TAMM41: variants seen among roughly 807,000 people sequenced by gnomAD.
TAMM41 encodes TAM41 mitochondrial translocator assembly and maintenance homolog, also known as phosphatidate cytidylyltransferase, mitochondrial.
In TAMM41, 36 loss-of-function variants were observed where a neutral mutation model predicts 44.1. That is an observed-to-expected ratio of 0.82 (90% CI 0.63 to 1.08). The LOEUF (loss-of-function observed/expected upper bound fraction) is 1.08. TAMM41 is among the 50% of genes least tolerant of loss of function. The probability of loss-of-function intolerance (pLI) is 0.00; values close to 1 mark genes in which losing one functional copy is unlikely to be tolerated. For missense variants in TAMM41, 417 were observed against 404.3 expected, an observed-to-expected ratio of 1.03 and a Z score of -0.27; for synonymous variants, 164 against 153.1, an observed-to-expected ratio of 1.07 and a Z score of -0.53.
chr3:11,802,415 T>C (rs998792883), intron 7 of TAMM41, among the ~76,000 whole-genome samples: 1 of 152,068 alleles, frequency 6.6e-6, no homozygotes, highest in Non-Finnish European at 1.5e-5. Context: ...CAGAGACTAT[T>C]ATAAACAACT....
At chr3:11,729,748 C>CT in the TAMM41 span, among the ~76,000 whole-genome samples, 1 of 151,064 alleles carries the variant, frequency 6.6e-6, no homozygotes, top group Non-Finnish European at 1.5e-5. Context: ...TTAGTAGAGA[C>CT]AGAGTTTCAC....
At chr3:11,812,484 G>C (rs969826148) in intron 5 of TAMM41, among the ~76,000 whole-genome samples, 3 of 152,136 alleles carry the variant, frequency 2.0e-5, no homozygotes, top group African/African-American at 7.2e-5. Flanking sequence ...AGAAAGAGAA[G>C]TGACCTTGCT....
the TAMM41 span, among the ~76,000 whole-genome samples, chr3:11,760,542 T>TTTTGTTTTG: frequency 1.5e-4 from 22 of 150,878 alleles, no homozygotes; most frequent in Admixed American, 5.3e-4. Flanking sequence ...TAAGTACAAT[T>TTTTGTTTTG]TTTTGTTTTG....
the TAMM41 span, among the ~76,000 whole-genome samples, chr3:11,759,371 G>A: frequency 1.3e-4 from 20 of 151,878 alleles, no homozygotes; most frequent in South Asian, 4.2e-3. Context: ...ACGAGGCCCT[G>A]TAAACGAGAT....
Position 11,846,879 on chromosome 3 carries a change from C to G in TAMM41, c.-243G>C. ...GTGGGCGGCGGTCGCACAGGCAGAGCTTCCGTCCCTTGCTACGCCCCACGC... is the reference window on the plus strand; with the variant it reads ...GTGGGCGGCGGTCGCACAGGCAGAGGTTCCGTCCCTTGCTACGCCCCACGC... On this transcript the variant is annotated 5_prime_UTR_variant, in exon 1 of 8. Coordinates refer to ENST00000455809, the MANE Select transcript of TAMM41 (RefSeq NM_001284401.2). 1 of 521,168 alleles carries G rather than the reference C, an allele frequency of 1.9e-6. No homozygotes were observed. Among genetic ancestry groups the G allele is most frequent in the South Asian group, 2.1e-5 (1 of 48,196 alleles). 32.3% of individuals were successfully genotyped at this position (521,168 alleles called of 1,614,324 possible).
intron 4 of TAMM41, among the ~76,000 whole-genome samples, 170 bp from the exon 5 acceptor site, chr3:11,817,507 C>T (rs1208875801): frequency 1.3e-5 from 2 of 152,204 alleles, no homozygotes; most frequent in Non-Finnish European, 2.9e-5. Context: ...GAAATGTGAG[C>T]ACTTGTTTGG....
At chr3:11,802,684 CT>C (rs2077788743) in intron 7 of TAMM41, among the ~76,000 whole-genome samples, 1 of 152,144 alleles carries the variant, frequency 6.6e-6, no homozygotes, top group African/African-American at 2.4e-5. Flanking sequence ...GGAATTCTCC[CT>C]AACTCATTCT....
At chr3:11,844,845 AATT>A in intron 1 of TAMM41, 1 of 450,884 alleles carries the variant, frequency 2.2e-6, no homozygotes, top group South Asian at 1.6e-5. Flanking sequence ...AGAATAAACA[AATT>A]ATCACTACAT....
intron 6 of TAMM41, chr3:11,808,736 G>GT (rs2077995220): frequency 1.7e-6 from 1 of 575,864 alleles, no homozygotes. Flanking sequence ...TTTTTTGTTT[G>GT]TTTTTTAAGA....
chr3:11,825,121 T>G (rs899500062), intron 4 of TAMM41, among the ~76,000 whole-genome samples: 4 of 152,188 alleles, frequency 2.6e-5, no homozygotes, highest in Non-Finnish European at 5.9e-5. Flanking sequence ...GTTCAAATGC[T>G]AGCTCGGCAT....
Position 11,817,281 on chromosome 3 carries a change from G to A in TAMM41, c.619C>T (p.Pro207Ser). The change falls in exon 5 of 8, where the codon CCC becomes TCC. Residue 207 changes from proline to serine, a missense_variant. Transcript: ENST00000455809. ...DKTKVLNIVK[P>S]NIAHFRELYG... is the part of the protein sequence containing the mutation. ...AGCTCTCGAAAGTGGGCTATATTGG[G>A]CTTCACAATATTCAACACTTTTGTT... is the stretch of plus-strand genomic sequence containing the variant. 6.2e-7 allele frequency: 1 copy of A among 1,613,300 alleles called. No individual in the cohort carries two copies. Among genetic ancestry groups the A allele is most frequent in the Non-Finnish European group, 8.5e-7 (1 of 1,179,336 alleles).
the TAMM41 span, among the ~76,000 whole-genome samples, chr3:11,756,773 G>C: frequency 9.9e-5 from 15 of 152,102 alleles, no homozygotes; most frequent in African/African-American, 3.6e-4. Flanking sequence ...GCTGAGGCAG[G>C]GGAATTGCTT....
chr3:11,799,301 A>G (rs2077687249), intron 7 of TAMM41, among the ~76,000 whole-genome samples: 1 of 152,200 alleles, frequency 6.6e-6, no homozygotes, highest in South Asian at 2.1e-4. Flanking sequence ...AATCTTCACA[A>G]CCTGGTGAGG....
chr3:11,791,616 G>A (rs1253901534), intron 7 of TAMM41, among the ~76,000 whole-genome samples: 1 of 152,132 alleles, frequency 6.6e-6, no homozygotes, highest in Non-Finnish European at 1.5e-5. Context: ...TGAGCATGCC[G>A]ACAAGGTAAC....
intron 5 of TAMM41, among the ~76,000 whole-genome samples, chr3:11,815,358 C>T (rs1191463421): frequency 6.6e-6 from 1 of 152,042 alleles, no homozygotes; most frequent in Non-Finnish European, 1.5e-5. Flanking sequence ...CAGGGGGCTC[C>T]AGGAAAAACA....
chr3:11,774,938 G>A, the TAMM41 span, among the ~76,000 whole-genome samples: 4 of 147,692 alleles, frequency 2.7e-5, no homozygotes, highest in South Asian at 8.5e-4. Context: ...GTGCGATCTC[G>A]GCTTACCGCA....
the TAMM41 span, among the ~76,000 whole-genome samples, chr3:11,734,353 C>T: frequency 6.6e-6 from 1 of 152,168 alleles, no homozygotes; most frequent in African/African-American, 2.4e-5. Flanking sequence ...GTCTGAGAGA[C>T]ATCTGAAAGG....
intron 7 of TAMM41, among the ~76,000 whole-genome samples, chr3:11,801,041 A>G (rs2077736942): frequency 6.6e-6 from 1 of 151,060 alleles, no homozygotes; most frequent in African/African-American, 2.4e-5. Context: ...ACAGTAAGCC[A>G]TGATCACACC....
the TAMM41 span, among the ~76,000 whole-genome samples, chr3:11,725,256 T>C: frequency 1.2e-4 from 9 of 74,752 alleles, no homozygotes; most frequent in South Asian, 1.1e-3. Context: ...CCCTCCTCCT[T>C]CTCCTTTTCT....
Sources: allele counts gnomAD v4.1 joint callset (sites outside exome capture counted in the v4.1 genomes callset), GRCh38; gene constraint gnomAD v4.1.1; transcripts MANE v1.5; gene names NCBI Gene and HGNC (gene_info 2026-07-23, HGNC 2026-07-21).